The following PARVA variants were observed in gnomAD, a reference collection of about 807,000 sequenced individuals.
PARVA encodes alpha-parvin.
In PARVA, 25 loss-of-function variants were observed where a neutral mutation model predicts 52.6. The observed-to-expected ratio is 0.48, with a 90% CI of 0.35 to 0.66. The LOEUF is 0.66. Among genes scored for constraint, PARVA ranks in the 30% least tolerant of loss-of-function variants. PARVA has a pLI of 0.01. For missense variants in PARVA, 373 were observed against 450.9 expected (o/e 0.83, Z 1.56); for synonymous variants, 185 against 179.1 (o/e 1.03, Z -0.26).
In PARVA at chr11:12,516,393, C is replaced by T. The variant is rs1032683782; in HGVS notation, c.868-1217C>T. ...ACCTCTATGTCTTTGCTAGGCCATCCCCCCTACCTGGAACCCCCTACTCCT... is the reference window on the plus strand; with the variant it reads ...ACCTCTATGTCTTTGCTAGGCCATCTCCCCTACCTGGAACCCCCTACTCCT... On this transcript the variant is annotated intron_variant, in intron 10 of 12. Coordinates refer to ENST00000334956, the MANE Select transcript of PARVA (RefSeq NM_018222.5). 2.0e-5 allele frequency among the ~76,000 whole-genome samples: 3 copies of T among 151,992 alleles called. No homozygotes were observed. The South Asian group carries it at 6.2e-4, about 32-fold the overall frequency.
chr11:12,486,533 CAAAAAT>C (rs964896148), intron 4 of PARVA, among the ~76,000 whole-genome samples: 6 of 151,238 alleles, frequency 4.0e-5, no homozygotes, highest in African/African-American at 9.7e-5. Flanking sequence ...AACTCTGTCT[CAAAAAT>C]AAAAATAAAA....
At position 12,533,313 on chromosome 11, in the gene PARVA, C is replaced by T. The variant is rs546875833; in HGVS notation, c.*5388C>T. ...CCTCGGAGGAGGACTCCTGTTTTAC[C>T]AACGGCAGGAGCAGGAATCCCACCA... On this transcript the variant is annotated 3_prime_UTR_variant, in exon 13 of 13. Coordinates refer to ENST00000334956, the MANE Select transcript of PARVA (RefSeq NM_018222.5). 6.9e-4 allele frequency among the ~76,000 whole-genome samples: 105 copies of T among 152,320 alleles called. No homozygotes were observed. The highest frequency in any genetic ancestry group is 3.1e-3 in the South Asian group (15 of 4,822).
chr11:12,466,314 T>TG (rs1260624257), intron 1 of PARVA, among the ~76,000 whole-genome samples: 2 of 151,446 alleles, frequency 1.3e-5, no homozygotes, highest in East Asian at 3.9e-4. Flanking sequence ...TTTAGTTGTT[T>TG]TTTTTTTTTT....
At chr11:12,478,470 C>G (rs78474571) in intron 4 of PARVA, 23,908 of 222,210 alleles carry the variant, frequency 0.11, 1,575 homozygotes, top group South Asian at 0.19. Context: ...CAGGGGTAAT[C>G]TTAGTGTTGA....
At chr11:12,405,186 G>A (rs1217837300) in intron 1 of PARVA, among the ~76,000 whole-genome samples, 1 of 152,166 alleles carries the variant, frequency 6.6e-6, no homozygotes, top group African/African-American at 2.4e-5. Context: ...CAACAAAAAG[G>A]TGGGGCTGGG....
At chr11:12,455,806 A>G (rs1940686909) in intron 1 of PARVA, among the ~76,000 whole-genome samples, 1 of 152,062 alleles carries the variant, frequency 6.6e-6, no homozygotes, top group Non-Finnish European at 1.5e-5. Context: ...AGTTTCCACT[A>G]TCAGCACCAC....
chr11:12,406,384 C>T (rs570531022), intron 1 of PARVA, among the ~76,000 whole-genome samples: 1 of 152,304 alleles, frequency 6.6e-6, no homozygotes, highest in South Asian at 2.1e-4. Flanking sequence ...CCCACATCTG[C>T]AAAATACCTT....
At chr11:12,382,040 G>T (rs181684866) in intron 1 of PARVA, among the ~76,000 whole-genome samples, 23 of 152,320 alleles carry the variant, frequency 1.5e-4, no homozygotes, top group Admixed American at 1.4e-3. Flanking sequence ...CTGGAGAGAT[G>T]AACTGTTCAC....
chr11:12,500,168 T>A (rs1407501489), intron 5 of PARVA, among the ~76,000 whole-genome samples: 3 of 152,204 alleles, frequency 2.0e-5, no homozygotes, highest in Non-Finnish European at 4.4e-5. Flanking sequence ...AATTTCTGTT[T>A]CCACCACAGG....
chr11:12,489,056 G>A (rs1013034624), intron 4 of PARVA, among the ~76,000 whole-genome samples: 1 of 151,978 alleles, frequency 6.6e-6, no homozygotes, highest in African/African-American at 2.4e-5. Flanking sequence ...TGGGTATGGT[G>A]GCTCATACCT....
chr11:12,382,043 CTG>C (rs1202924581), intron 1 of PARVA, among the ~76,000 whole-genome samples: 1 of 152,222 alleles, frequency 6.6e-6, no homozygotes, highest in Non-Finnish European at 1.5e-5. Context: ...GAGAGATGAA[CTG>C]TTCACGTGGA....
At chr11:12,442,712 G>A (rs961960907) in intron 1 of PARVA, among the ~76,000 whole-genome samples, 16 of 151,950 alleles carry the variant, frequency 1.1e-4, no homozygotes, top group African/African-American at 3.1e-4. Flanking sequence ...CATGAGAACC[G>A]AGGGGAAAAG....
At chr11:12,430,049 T>C (rs901160128) in intron 1 of PARVA, among the ~76,000 whole-genome samples, 1 of 152,210 alleles carries the variant, frequency 6.6e-6, no homozygotes, top group Non-Finnish European at 1.5e-5. Context: ...TGACATTCCT[T>C]CATCATTTTC....
rs557316567 is a variant in PARVA at position 12,532,607 on chromosome 11, G to T, written c.*4682G>T. Among the ~76,000 whole-genome samples, 77 of 152,364 alleles carry T rather than the reference G, an allele frequency of 5.1e-4. No homozygotes were observed. The highest frequency in any genetic ancestry group is 3.4e-3 in the Middle Eastern group (1 of 294). On this transcript the variant is annotated 3_prime_UTR_variant, in exon 13 of 13. Transcript: ENST00000334956. ...TATGAATCGACGTTAGTTACAAATT[G>T]TGACTGTCGCGATGGAGAAGTACTA...
At chr11:12,421,456 ATTTTTTTTCT>A in intron 1 of PARVA, among the ~76,000 whole-genome samples, 1 of 152,016 alleles carries the variant, frequency 6.6e-6, no homozygotes, top group South Asian at 2.1e-4. Flanking sequence ...CCAGCAACAG[ATTTTTTTTCT>A]TTAATCTGCC....
intron 12 of PARVA, among the ~76,000 whole-genome samples, chr11:12,525,594 A>C (rs1941690060): frequency 6.6e-6 from 1 of 152,138 alleles, no homozygotes; most frequent in Non-Finnish European, 1.5e-5. Flanking sequence ...CCAAGCAGTC[A>C]GGGGAGGACA....
chr11:12,390,596 A>G (rs1939645119), intron 1 of PARVA, among the ~76,000 whole-genome samples: 1 of 152,130 alleles, frequency 6.6e-6, no homozygotes, highest in African/African-American at 2.4e-5. Flanking sequence ...CTCTATGTGG[A>G]ATTAGAACTC....
rs1434883504 is a variant in PARVA, at chr11:12,531,180, T to A, written c.*3255T>A. On this transcript the variant is annotated 3_prime_UTR_variant, in exon 13 of 13. Transcript: ENST00000334956. ...GTGCTCGCCTGCTATATTAGAAGGC[T>A]CCAGTTTCACATGTGCAGGCACAGA... Among the ~76,000 whole-genome samples, 1 of 152,254 alleles carries A rather than the reference T, an allele frequency of 6.6e-6. No individual in the cohort carries two copies. The highest frequency in any genetic ancestry group is 2.4e-5 in the African/African-American group (1 of 41,466).
chr11:12,488,078 C>G (rs1005130777), intron 4 of PARVA, among the ~76,000 whole-genome samples: 2 of 152,052 alleles, frequency 1.3e-5, no homozygotes, highest in Non-Finnish European at 2.9e-5. Context: ...ACAGTCATTT[C>G]AAGTAAAATA....
Sources: allele counts gnomAD v4.1 joint callset (sites outside exome capture counted in the v4.1 genomes callset), GRCh38; gene constraint gnomAD v4.1.1; transcripts MANE v1.5; gene names NCBI Gene and HGNC (gene_info 2026-07-23, HGNC 2026-07-21).